RYR3: variants seen among roughly 807,000 people sequenced by gnomAD.
RYR3 encodes the protein ryanodine receptor 3.
A neutral mutation model predicts 584.3 loss-of-function variants in RYR3; 207 were observed. The observed-to-expected ratio is 0.35, with a 90% CI of 0.32 to 0.40. The LOEUF is 0.40. Ranked by LOEUF, RYR3 falls within the 10% of genes least tolerant of loss-of-function variation. The pLI, the probability that RYR3 is intolerant of heterozygous loss-of-function variation, is 1.00. For missense variants in RYR3, 5,616 were observed against 6,089.2 expected, an observed-to-expected ratio of 0.92 and a Z score of 2.59; for synonymous variants, 2,416 against 2,248.5, an observed-to-expected ratio of 1.07 and a Z score of -2.11.
intron 5 of RYR3, among the ~76,000 whole-genome samples, chr15:33,537,344 G>T (rs553045529): frequency 7.3e-4 from 111 of 152,204 alleles, no homozygotes; most frequent in Non-Finnish European, 1.4e-3. Context: ...ATCTGACAGG[G>T]TTGGTTTTTG....
At chr15:33,762,359 A>G (rs1229228504) in intron 60 of RYR3, among the ~76,000 whole-genome samples, 1 of 152,192 alleles carries the variant, frequency 6.6e-6, no homozygotes, top group East Asian at 1.9e-4. Context: ...AAGAAATGCC[A>G]TCGACTCAGC....
At chr15:33,667,999 G>C in intron 36 of RYR3, among the ~76,000 whole-genome samples, 1 of 146,556 alleles carries the variant, frequency 6.8e-6, no homozygotes, top group South Asian at 2.2e-4. Flanking sequence ...GGTGGTGGAG[G>C]TTGCAGTGAG....
Position 33,530,734 on chromosome 15 carries a change from G to A in RYR3, c.354+68G>A, listed in dbSNP as rs545057744. On this transcript the variant is annotated intron_variant, in intron 4 of 103. Transcript: ENST00000634891. ...AAAAACTGAAGAGGGGGAAATACAG[G>A]AAGCCAGCAATAACAACGTAACAGC... 3.2e-5 allele frequency: 37 copies of A among 1,166,110 alleles called. No homozygotes were observed. The South Asian group carries it at 4.5e-4, about 14-fold the overall frequency. 72.2% of individuals were successfully genotyped at this position (1,166,110 alleles called of 1,614,324 possible). A position where few individuals can be genotyped will look rare whatever the true frequency, so the allele number is the denominator to read the frequency against.
At position 33,533,339 on chromosome 15, in the gene RYR3, C is replaced by T. The variant is rs1481330554; in HGVS notation, c.383C>T (p.Ser128Phe). ...MYLTCLTTSR[S>F]QTDKLAFDVG... ...CTAACATGCTTGACTACATCAAGAT[C>T]CCAGACAGACAAACTTGCCTTTGAT... is the stretch of plus-strand genomic sequence containing the variant. The change falls in exon 5 of 104, where the codon TCC (serine) becomes TTC (phenylalanine). Residue 128 changes from serine (S) to phenylalanine (F), a missense_variant. Physicochemically the swap from Ser to Phe is radical, Grantham distance 155 (BLOSUM62 -2). Transcript: ENST00000634891. 6 of 1,608,028 alleles carry T rather than the reference C, an allele frequency of 3.7e-6. No homozygotes were observed. The highest frequency in any genetic ancestry group is 4.2e-6 in the Non-Finnish European group (5 of 1,177,140).
chr15:33,332,434 T>C (rs1970472741), intron 1 of RYR3, among the ~76,000 whole-genome samples: 1 of 152,088 alleles, frequency 6.6e-6, no homozygotes, highest in South Asian at 2.1e-4. Flanking sequence ...TCAACAAGGA[T>C]ATAAAAGAGT....
In RYR3 at chr15:33,788,456, C is replaced by T; in HGVS notation, c.9828C>T (p.Asn3276=). 6.2e-7 allele frequency: 1 copy of T among 1,613,640 alleles called. No individual in the cohort carries two copies. The highest frequency in any genetic ancestry group is 8.5e-7 in the Non-Finnish European group (1 of 1,179,596). ...TGCTGATCCGCTACGTGGACAACAACAGGTACGGAGGAGAGCACTAGGAGC... is the reference window on the plus strand; with the variant it reads ...TGCTGATCCGCTACGTGGACAACAATAGGTACGGAGGAGAGCACTAGGAGC... The part of the protein sequence containing the change: ...YPMLIRYVDN[N]RSNWLKSPDA... Residue 3276 remains asparagine, a splice_region_variant and synonymous_variant, in exon 67 of 104, where the codon AAC becomes AAT. Transcript: ENST00000634891.
intron 14 of RYR3, among the ~76,000 whole-genome samples, chr15:33,582,201 T>C (rs901327823): frequency 6.6e-6 from 1 of 152,182 alleles, no homozygotes; most frequent in African/African-American, 2.4e-5. Flanking sequence ...CCAATAGGCC[T>C]AGGCCACCCG....
At chr15:33,480,712 T>G (rs1410618839) in intron 2 of RYR3, among the ~76,000 whole-genome samples, 1 of 152,356 alleles carries the variant, frequency 6.6e-6, no homozygotes, top group Non-Finnish European at 1.5e-5. Flanking sequence ...CAGAAAACAT[T>G]CTGTGTATCA....
intron 45 of RYR3, among the ~76,000 whole-genome samples, chr15:33,725,795 T>TTA (rs5811789): frequency 7.7e-6 from 1 of 130,488 alleles, no homozygotes; most frequent in Non-Finnish European, 1.6e-5. Flanking sequence ...CCGTCTCTAC[T>TTA]AAAAAAAAAA....
intron 1 of RYR3, among the ~76,000 whole-genome samples, chr15:33,421,817 G>C (rs2044263034): frequency 6.6e-6 from 1 of 152,130 alleles, no homozygotes; most frequent in African/African-American, 2.4e-5. Context: ...TAGAACTTCA[G>C]AGTAACCCAA....
chr15:33,464,503 T>TATAC (rs1180164194), intron 1 of RYR3, among the ~76,000 whole-genome samples: 4,810 of 105,390 alleles, frequency 0.046, 376 homozygotes, highest in Middle Eastern at 0.067. Flanking sequence ...CATATATATA[T>TATAC]ACATACACAT....
At chr15:33,651,093 A>G (rs1595979650) in intron 31 of RYR3, among the ~76,000 whole-genome samples, 1 of 152,330 alleles carries the variant, frequency 6.6e-6, no homozygotes, top group East Asian at 1.9e-4. Context: ...CAGTGGCCAT[A>G]CTTACTGTGA....
chr15:33,562,962 C>T lies in RYR3; in HGVS notation c.1098C>T (p.Tyr366=), dbSNP rs748592335. ...TAGCCAGTGGTCTGTGGGTGACCTA[C>T]AAAGCACAAGACGCCAAAACTTCCC... ...QHIASGLWVT[Y]KAQDAKTSRL... The change falls in exon 11 of 104, where the codon TAC becomes TAT. Residue 366 remains tyrosine (Y), a synonymous_variant. Coordinates refer to ENST00000634891, the MANE Select transcript of RYR3 (RefSeq NM_001036.6). The T allele has an allele frequency of 3.1e-6, 5 of 1,613,142 alleles. No individual in the cohort carries two copies. In the South Asian group the frequency reaches 3.3e-5, roughly 11 times the overall value.
chr15:33,800,909 C>A, intron 68 of RYR3, 52 bp downstream of exon 68: 1 of 1,273,770 alleles, frequency 7.9e-7, no homozygotes, highest in South Asian at 1.2e-5. Context: ...AGCTGCAGAC[C>A]GTGGAAAACT....
chr15:33,779,900 A>C (rs2074278090), intron 64 of RYR3, among the ~76,000 whole-genome samples: 1 of 152,006 alleles, frequency 6.6e-6, no homozygotes, highest in African/African-American at 2.4e-5. Flanking sequence ...AGTGCCAGCT[A>C]CTCGGGAGGC....
In RYR3 at chr15:33,630,009, A is replaced by G; in HGVS notation, c.2749A>G (p.Asn917Asp). The G allele has an allele frequency of 6.2e-7, 1 of 1,605,230 alleles. No individual in the cohort carries two copies. Among genetic ancestry groups the G allele is most frequent in the Non-Finnish European group, 8.5e-7 (1 of 1,175,514 alleles). ...EFSKLPETEK[N>D]YNLQMSTETL... is the part of the protein sequence containing the mutation. ...TTCAAAGCTCCCAGAAACTGAGAAG[A>G]ACTATAACCTGCAAATGTCAACTGA... The change falls in exon 22 of 104, where the codon AAC (asparagine) becomes GAC (aspartate). Residue 917 changes from asparagine to aspartate, a missense_variant. By Grantham distance (23) the Asn-to-Asp change is conservative. Coordinates refer to ENST00000634891, the MANE Select transcript of RYR3 (RefSeq NM_001036.6).
intron 98 of RYR3, chr15:33,856,269 A>G (rs997009908): frequency 1.3e-5 from 2 of 152,166 alleles, no homozygotes; most frequent in African/African-American, 4.8e-5. Flanking sequence ...TCTTCCCTCA[A>G]GTCTGCTGAA....
chr15:33,596,386 A>G lies in RYR3; in HGVS notation c.1789-5033A>G, dbSNP rs898911049. On this transcript the variant is annotated intron_variant, in intron 16 of 103. Transcript: ENST00000634891. The stretch of plus-strand genomic sequence containing the variant: ...ATTGTTTTGTTTACCTAGATTATTC[A>G]CGAAAACTGTGACAGTCATTATTTA... 2.6e-5 allele frequency among the ~76,000 whole-genome samples: 4 copies of G among 151,816 alleles called. No homozygotes were observed. In the East Asian group the frequency reaches 7.7e-4, roughly 29 times the overall value.
Position 33,820,760 on chromosome 15 carries a change from G to A in RYR3, c.10763G>A (p.Cys3588Tyr), listed in dbSNP as rs757961894. The change falls in exon 78 of 104, where the codon TGT becomes TAT. Residue 3588 changes from cysteine (C) to tyrosine (Y), a missense_variant. By Grantham distance (194) the Cys-to-Tyr change is radical. Coordinates refer to ENST00000634891, the MANE Select transcript of RYR3 (RefSeq NM_001036.6). ...TSYSSMMAKS[C>Y]QSGEDEEEDE... Reference sequence around the variant, plus strand: ...TCCCTGCTCCATGAAATCCAGAGTTGTCAAAGTGGTGAGGATGAAGAAGAA... The same window carrying A: ...TCCCTGCTCCATGAAATCCAGAGTTATCAAAGTGGTGAGGATGAAGAAGAA... The A allele has an allele frequency of 1.2e-6, 2 of 1,605,620 alleles. No individual in the cohort carries two copies. The highest frequency in any genetic ancestry group is 4.5e-5 in the East Asian group (2 of 44,754).
Sources: allele counts gnomAD v4.1 joint callset (sites outside exome capture counted in the v4.1 genomes callset), GRCh38; gene constraint gnomAD v4.1.1; transcripts MANE v1.5; gene names NCBI Gene and HGNC (gene_info 2026-07-23, HGNC 2026-07-21).